JAK2: variants seen among roughly 807,000 people sequenced by gnomAD.
JAK2 encodes the protein Janus kinase 2.
A neutral mutation model predicts 139.3 loss-of-function variants in JAK2; 86 were observed. The observed-to-expected ratio is 0.62, with a 90% CI of 0.52 to 0.74. The LOEUF (loss-of-function observed/expected upper bound fraction) is 0.74, where lower values mean the gene tolerates loss of function less well. Among genes scored for constraint, JAK2 ranks in the 30% least tolerant of loss-of-function variants. The pLI is 0.00. For synonymous variants in JAK2, 490 were observed against 437.7 expected, an observed-to-expected ratio of 1.12 and a Z score of -1.49; for missense variants, 1,421 against 1,360.3, an observed-to-expected ratio of 1.04 and a Z score of -0.70.
At chr9:5,043,321 A>G (rs1479961260) in intron 4 of JAK2, among the ~76,000 whole-genome samples, 1 of 152,208 alleles carries the variant, frequency 6.6e-6, no homozygotes, top group Non-Finnish European at 1.5e-5. Flanking sequence ...TTAAAAAAAA[A>G]AAGGAAAAAT....
At chr9:5,033,864 A>T (rs1225598214) in intron 4 of JAK2, among the ~76,000 whole-genome samples, 21 of 152,196 alleles carry the variant, frequency 1.4e-4, no homozygotes, top group Admixed American at 6.5e-5. Flanking sequence ...AACGTCATAA[A>T]GACCGGATCA....
At chr9:4,999,205 G>C (rs1022471808) in intron 2 of JAK2, among the ~76,000 whole-genome samples, 1 of 152,112 alleles carries the variant, frequency 6.6e-6, no homozygotes. Context: ...ATTTGACTTC[G>C]GTAGCCCTTA....
At chr9:5,098,303 G>A (rs1390699008) in intron 22 of JAK2, 1 of 152,122 alleles carries the variant, frequency 6.6e-6, no homozygotes, top group Non-Finnish European at 1.5e-5. Flanking sequence ...ACGTAACTTT[G>A]TCAAAGTTAA....
At chr9:5,035,516 A>C (rs181679587) in intron 4 of JAK2, among the ~76,000 whole-genome samples, 2 of 152,374 alleles carry the variant, frequency 1.3e-5, no homozygotes, top group Admixed American at 6.5e-5. Context: ...CCAGCAGCAC[A>C]TCAAAAAGCT....
At chr9:5,008,131 ATTTG>A (rs958467746) in intron 2 of JAK2, among the ~76,000 whole-genome samples, 17 of 152,188 alleles carry the variant, frequency 1.1e-4, no homozygotes, top group African/African-American at 4.1e-4. Flanking sequence ...CAGTGTTGCT[ATTTG>A]TTCAGTACTT....
rs1324421598 is a variant in JAK2, at chr9:5,066,742, T to C, written c.1279T>C (p.Cys427Arg). ...GNQTGLYVLR[C>R]SPKDFNKYFL... is the part of the protein sequence containing the mutation. Reference sequence around the variant, plus strand: ...TCAGACTGGACTGTATGTACTTCGATGCAGTCCTAAGGACTTTAATAAATA... The same window carrying C: ...TCAGACTGGACTGTATGTACTTCGACGCAGTCCTAAGGACTTTAATAAATA... Residue 427 changes from cysteine to arginine, a missense_variant, in exon 10 of 25, where the codon TGC becomes CGC. By Grantham distance (180) the Cys-to-Arg change is radical. Coordinates refer to ENST00000381652, the MANE Select transcript of JAK2 (RefSeq NM_004972.4). 6 of 1,606,280 alleles carry C rather than the reference T, an allele frequency of 3.7e-6. No individual in the cohort carries two copies. Among genetic ancestry groups the C allele is most frequent in the Non-Finnish European group, 5.1e-6 (6 of 1,176,592 alleles).
intron 2 of JAK2, among the ~76,000 whole-genome samples, chr9:4,988,123 C>CT (rs1359477509): frequency 6.6e-6 from 1 of 152,150 alleles, no homozygotes; most frequent in African/African-American, 2.4e-5. Flanking sequence ...GTGCTAAGAC[C>CT]TTTCTTTTGC....
intron 4 of JAK2, chr9:5,040,977 T>C: frequency 1.7e-6 from 1 of 594,968 alleles, no homozygotes; most frequent in Admixed American, 2.2e-5. Context: ...AATATGTGGC[T>C]ATCAAATTGG....
chr9:5,066,817 A>T (rs1488656077), intron 10 of JAK2, 28 bp downstream of exon 10: 3 of 1,016,444 alleles, frequency 3.0e-6, no homozygotes, highest in Non-Finnish European at 4.3e-6. Flanking sequence ...ATTAGTGGTA[A>T]CACTTTATTT....
intron 22 of JAK2, among the ~76,000 whole-genome samples, chr9:5,093,876 G>C (rs530042667): frequency 2.0e-3 from 302 of 152,218 alleles, no homozygotes; most frequent in African/African-American, 7.1e-3. Context: ...TTTCAGACCA[G>C]AGTAATCCAG....
chr9:5,102,116 C>A (rs149755986), intron 22 of JAK2, among the ~76,000 whole-genome samples: 1,669 of 152,206 alleles, frequency 0.011, 33 homozygotes, highest in African/African-American at 0.037. Flanking sequence ...ATGTTCAAAC[C>A]CATCGCAAGG....
chr9:5,040,443 TAGTTA>T (rs1816398567), intron 4 of JAK2, among the ~76,000 whole-genome samples: 1 of 150,722 alleles, frequency 6.6e-6, no homozygotes, highest in Non-Finnish European at 1.5e-5. Flanking sequence ...AAAAGAAAAA[TAGTTA>T]AGTTAGGCTT....
chr9:5,122,090 T>C (rs1467199753), intron 22 of JAK2, among the ~76,000 whole-genome samples: 1 of 152,138 alleles, frequency 6.6e-6, no homozygotes, highest in Non-Finnish European at 1.5e-5. Flanking sequence ...CTGAGGGCAA[T>C]AAGACCTGGA....
At chr9:4,997,032 G>C (rs1170655869) in intron 2 of JAK2, among the ~76,000 whole-genome samples, 2 of 149,144 alleles carry the variant, frequency 1.3e-5, no homozygotes, top group East Asian at 4.0e-4. Context: ...GGGGTCCAGT[G>C]ATCCTCCTAC....
chr9:5,066,617 A>T lies in JAK2; in HGVS notation c.1215-61A>T, dbSNP rs186522660. ...TTGACTTTTGATTGTTTTAGATGAC[A>T]CTTGGTCATAATATTATGGTGCTTG... On this transcript the variant is annotated intron_variant, in intron 9 of 24. Coordinates refer to ENST00000381652, the MANE Select transcript of JAK2 (RefSeq NM_004972.4). 3,521 of 905,802 alleles carry T rather than the reference A, an allele frequency of 3.9e-3. 11 individuals carry two copies. Among genetic ancestry groups the T allele is most frequent in the Non-Finnish European group, 5.2e-3 (2,803 of 543,374 alleles). 56.1% of individuals were successfully genotyped at this position (905,802 alleles called of 1,614,324 possible).
At chr9:5,024,038 C>T (rs1822612568) in intron 3 of JAK2, among the ~76,000 whole-genome samples, 2 of 152,114 alleles carry the variant, frequency 1.3e-5, no homozygotes, top group African/African-American at 4.8e-5. Flanking sequence ...AGGCAGATCA[C>T]AAGATCAGGA....
intron 19 of JAK2, 116 bp downstream of exon 19, chr9:5,081,977 G>C: frequency 1.2e-6 from 1 of 852,156 alleles, no homozygotes; most frequent in Non-Finnish European, 1.8e-6. Flanking sequence ...AGAAAAAAAA[G>C]GTTTGGTTGT....
intron 4 of JAK2, among the ~76,000 whole-genome samples, chr9:5,035,883 C>T (rs1390894403): frequency 6.6e-6 from 1 of 152,164 alleles, no homozygotes; most frequent in African/African-American, 2.4e-5. Flanking sequence ...CTGGCCAGGG[C>T]AGTCAGGCTG....
chr9:5,074,495 G>A (rs1192600889), intron 14 of JAK2, among the ~76,000 whole-genome samples: 5 of 152,074 alleles, frequency 3.3e-5, no homozygotes, highest in African/African-American at 1.2e-4. Flanking sequence ...TCTGTGATCA[G>A]TAATCTTTAA....
Sources: allele counts gnomAD v4.1 joint callset (sites outside exome capture counted in the v4.1 genomes callset), GRCh38; gene constraint gnomAD v4.1.1; transcripts MANE v1.5; gene names NCBI Gene and HGNC (gene_info 2026-07-23, HGNC 2026-07-21).